ACTR3C: variants seen among roughly 807,000 people sequenced by gnomAD.
ACTR3C encodes the protein actin-related protein 3C.
A neutral mutation model predicts 26.3 loss-of-function variants in ACTR3C; 18 were observed. The observed-to-expected ratio is 0.68, with a 90% CI of 0.47 to 1.01. The LOEUF (loss-of-function observed/expected upper bound fraction) is 1.01, where lower values mean the gene tolerates loss of function less well. Among genes scored for constraint, ACTR3C ranks in the 50% least tolerant of loss-of-function variants. The pLI, the probability that ACTR3C is intolerant of heterozygous loss-of-function variation, is 0.00. For synonymous variants in ACTR3C, 55 were observed against 94.5 expected, an observed-to-expected ratio of 0.58 and a Z score of 2.42; for missense variants, 184 against 250.7, an observed-to-expected ratio of 0.73 and a Z score of 1.80.
rs145417104 is a variant in ACTR3C at position 150,315,093 on chromosome 7, T to C, written c.-52+8376A>G. 2.2e-3 allele frequency among the ~76,000 whole-genome samples: 326 copies of C among 147,324 alleles called. 4 individuals carry two copies. Among genetic ancestry groups the C allele is most frequent in the Admixed American group, 0.018 (261 of 14,744 alleles). On this transcript the variant is annotated intron_variant, in intron 1 of 7. Transcript: ENST00000683684. Reference sequence around the variant, plus strand: ...ATAAGAAAATATTTATTATTTATTATATTTTATTTATATTATTTATTTTAT... The same window carrying C: ...ATAAGAAAATATTTATTATTTATTACATTTTATTTATATTATTTATTTTAT...
At chr7:150,238,035 T>A in the ACTR3C span, among the ~76,000 whole-genome samples, 12,888 of 145,602 alleles carry the variant, frequency 0.089, 1,030 homozygotes, top group African/African-American at 0.21. Context: ...CTGAACTTCT[T>A]GAATGTGATA....
At chr7:150,158,901 A>G in the ACTR3C span, among the ~76,000 whole-genome samples, 1 of 150,882 alleles carries the variant, frequency 6.6e-6, no homozygotes, top group South Asian at 2.1e-4. Context: ...CAAGGCACAC[A>G]CGTGCGCACA....
the ACTR3C span, among the ~76,000 whole-genome samples, chr7:150,237,853 G>A: frequency 6.7e-6 from 1 of 150,308 alleles, no homozygotes; most frequent in African/African-American, 2.5e-5. Context: ...CAGACTTAAA[G>A]TTTTAATCTG....
the ACTR3C span, among the ~76,000 whole-genome samples, chr7:150,113,895 A>G: frequency 2.0e-5 from 3 of 152,076 alleles, no homozygotes; most frequent in African/African-American, 7.2e-5. Flanking sequence ...AGCTTCATTC[A>G]AATTAAATGA....
rs1373136393 is a variant in ACTR3C at position 150,288,438 on chromosome 7, C to T, written c.297+1012G>A. 2.2e-5 allele frequency among the ~76,000 whole-genome samples: 3 copies of T among 134,582 alleles called. 1 individual carries two copies. The highest frequency in any genetic ancestry group is 5.6e-4 in the South Asian group (2 of 3,550). The allele number at this position is 134,582 out of a possible 152,430, so 88.3% of individuals were successfully genotyped here. Reference sequence around the variant, plus strand: ...TTTTTCTTCTTTTTTGAAATAGAGACGAGATCTCGCTATATCACCTGGGCT... The same window carrying T: ...TTTTTCTTCTTTTTTGAAATAGAGATGAGATCTCGCTATATCACCTGGGCT... On this transcript the variant is annotated intron_variant, in intron 4 of 7. Coordinates refer to ENST00000683684, the MANE Select transcript of ACTR3C (RefSeq NM_001164458.2).
the ACTR3C span, among the ~76,000 whole-genome samples, chr7:150,196,108 T>C: frequency 4.6e-5 from 7 of 152,354 alleles, no homozygotes; most frequent in East Asian, 1.3e-3. Context: ...AGAGTATTCT[T>C]GAACTTCTCA....
At chr7:149,942,777 C>A in the ACTR3C span, among the ~76,000 whole-genome samples, 1 of 148,902 alleles carries the variant, frequency 6.7e-6, no homozygotes, top group African/African-American at 2.6e-5. Context: ...TCATAGTTAC[C>A]ACCCTTCTCT....
chr7:150,102,158 A>G, the ACTR3C span, among the ~76,000 whole-genome samples: 1 of 151,628 alleles, frequency 6.6e-6, no homozygotes, highest in Non-Finnish European at 1.5e-5. Context: ...AAGGTCTAGC[A>G]TAAGGTAGTA....
chr7:150,203,014 G>T, the ACTR3C span, among the ~76,000 whole-genome samples: 4 of 152,206 alleles, frequency 2.6e-5, no homozygotes. Flanking sequence ...CTACTGATTT[G>T]TCAATCATAA....
the ACTR3C span, among the ~76,000 whole-genome samples, chr7:149,913,969 T>C: frequency 6.8e-6 from 1 of 146,546 alleles, no homozygotes; most frequent in Admixed American, 7.0e-5. Context: ...CACTGCAGCC[T>C]CAACCTCCTG....
the ACTR3C span, among the ~76,000 whole-genome samples, chr7:150,211,280 T>C: frequency 6.6e-6 from 1 of 150,384 alleles, no homozygotes; most frequent in Non-Finnish European, 1.5e-5. Flanking sequence ...TATGGTTCTT[T>C]CTTTCTTCTT....
At chr7:150,235,539 A>C in the ACTR3C span, among the ~76,000 whole-genome samples, 1 of 152,242 alleles carries the variant, frequency 6.6e-6, no homozygotes, top group Non-Finnish European at 1.5e-5. Context: ...CTCAAAGCTG[A>C]AATCTGGACA....
chr7:149,913,987 G>C, the ACTR3C span, among the ~76,000 whole-genome samples: 38 of 150,426 alleles, frequency 2.5e-4, no homozygotes, highest in Non-Finnish European at 3.1e-4. Flanking sequence ...CTGGGCTCAA[G>C]TGATCCTCCC....
the ACTR3C span, among the ~76,000 whole-genome samples, chr7:149,914,932 T>A: frequency 6.7e-6 from 1 of 150,204 alleles, no homozygotes. Flanking sequence ...CAGGCTGGAG[T>A]GCAGTGGCAC....
the ACTR3C span, among the ~76,000 whole-genome samples, chr7:150,035,330 C>T: frequency 1.8e-4 from 9 of 50,744 alleles, 2 homozygotes; most frequent in South Asian, 1.9e-3. Flanking sequence ...CAGCCAGGGG[C>T]GGAAGAGGGG....
the ACTR3C span, among the ~76,000 whole-genome samples, chr7:150,180,792 G>C: frequency 6.0e-3 from 886 of 148,878 alleles, 8 homozygotes; most frequent in Non-Finnish European, 8.5e-3. Context: ...TTACAGGCGT[G>C]AGCCACTGTG....
At chr7:150,270,797 C>T (rs1207574264) in intron 6 of ACTR3C, among the ~76,000 whole-genome samples, 7 of 151,646 alleles carry the variant, frequency 4.6e-5, no homozygotes, top group Non-Finnish European at 1.0e-4. Context: ...CTTGGCACTG[C>T]TCACCGTCTA....
chr7:149,901,624 A>G, the ACTR3C span, among the ~76,000 whole-genome samples: 1 of 152,202 alleles, frequency 6.6e-6, no homozygotes, highest in African/African-American at 2.4e-5. Context: ...TAAACTTAAT[A>G]ATAAAGAACA....
chr7:149,975,503 G>A, the ACTR3C span, among the ~76,000 whole-genome samples: 1 of 151,898 alleles, frequency 6.6e-6, no homozygotes, highest in Admixed American at 6.6e-5. Context: ...ACTAGCAAAA[G>A]AAGAGCAAGC....
Sources: allele counts gnomAD v4.1 joint callset (sites outside exome capture counted in the v4.1 genomes callset), GRCh38; gene constraint gnomAD v4.1.1; transcripts MANE v1.5; gene names NCBI Gene and HGNC (gene_info 2026-07-23, HGNC 2026-07-21).